GABRG2: variants seen among roughly 807,000 people sequenced by gnomAD.
The protein encoded by GABRG2 is gamma-aminobutyric acid receptor subunit gamma-2.
Under a neutral mutation model 56.4 loss-of-function variants are expected in GABRG2, and 16 were observed. That is an observed-to-expected ratio of 0.28 (90% CI 0.19 to 0.43). GABRG2 has a LOEUF of 0.43. Among genes scored for constraint, GABRG2 ranks in the 20% least tolerant of loss-of-function variants. The pLI is 1.00. For synonymous variants in GABRG2, 208 were observed against 205.5 expected (o/e 1.01, Z -0.10); for missense variants, 327 against 582.7 (o/e 0.56, Z 4.52).
intron 1 of GABRG2, among the ~76,000 whole-genome samples, chr5:162,070,202 A>G (rs1429650936): frequency 6.6e-6 from 1 of 152,150 alleles, no homozygotes; most frequent in Non-Finnish European, 1.5e-5. Context: ...GTTTTTTAAA[A>G]GAGCTCTATA....
At chr5:162,078,939 A>ATGTC (rs1373521469) in intron 1 of GABRG2, among the ~76,000 whole-genome samples, 7 of 151,148 alleles carry the variant, frequency 4.6e-5, no homozygotes, top group African/African-American at 1.5e-4. Flanking sequence ...GTCACATTGC[A>ATGTC]TGTCACTTCA....
intron 7 of GABRG2, among the ~76,000 whole-genome samples, chr5:162,146,949 T>C (rs1458296666): frequency 6.6e-6 from 1 of 152,232 alleles, no homozygotes; most frequent in Non-Finnish European, 1.5e-5. Flanking sequence ...GAAATGTAGC[T>C]GAACTCTTCA....
At chr5:162,145,838 A>G (rs1764913667) in intron 7 of GABRG2, among the ~76,000 whole-genome samples, 2 of 152,186 alleles carry the variant, frequency 1.3e-5, no homozygotes, top group Non-Finnish European at 2.9e-5. Flanking sequence ...CACAGTGCCA[A>G]TTTAGTTTTT....
intron 6 of GABRG2, among the ~76,000 whole-genome samples, chr5:162,133,883 G>A (rs1320742027): frequency 6.6e-6 from 1 of 152,122 alleles, no homozygotes; most frequent in Non-Finnish European, 1.5e-5. Flanking sequence ...TATCCGCCAA[G>A]AGAAAATGTC....
At chr5:162,082,029 T>A (rs184906932) in intron 1 of GABRG2, among the ~76,000 whole-genome samples, 1 of 151,932 alleles carries the variant, frequency 6.6e-6, no homozygotes, top group Non-Finnish European at 1.5e-5. Flanking sequence ...CATTCAGTTT[T>A]CTAGACAAAA....
chr5:162,103,944 G>T lies in GABRG2; in HGVS notation c.687G>T (p.Val229=). 1 of 1,613,956 alleles carries T rather than the reference G, an allele frequency of 6.2e-7. No individual in the cohort carries two copies. ...VYQWKRSSVE[V]GDTRSWRLYQ... is the part of the protein sequence containing the mutation. ...AATGGAAGCGAAGTTCTGTTGAAGT[G>T]GGCGACACAAGATCCTGGAGGCTTT... The change falls in exon 6 of 10, where the codon GTG becomes GTT. Residue 229 remains valine (V), a synonymous_variant. Transcript: ENST00000639213.
chr5:162,142,352 A>G lies in GABRG2; in HGVS notation c.922+36A>G, dbSNP rs1193583261. 7 of 1,608,252 alleles carry G rather than the reference A, an allele frequency of 4.4e-6. No individual in the cohort carries two copies. In the Middle Eastern group the frequency reaches 6.6e-4, roughly 152 times the overall value. On this transcript the variant is annotated intron_variant, in intron 7 of 9. Transcript: ENST00000639213. ...TTTGTTTATGTTGCAGTTTCTCAAG[A>G]TAAGTACCAAATACAAGTAATTTTT...
chr5:162,069,850 A>G (rs946003875), intron 1 of GABRG2, among the ~76,000 whole-genome samples: 5 of 152,154 alleles, frequency 3.3e-5, no homozygotes, highest in African/African-American at 7.2e-5. Context: ...CGGAAATTAG[A>G]AAACAGTTAC....
intron 6 of GABRG2, among the ~76,000 whole-genome samples, chr5:162,109,420 A>ATATATATATATTTATTTATTTATT (rs1424412323): frequency 4.3e-5 from 5 of 116,126 alleles, no homozygotes; most frequent in African/African-American, 1.3e-4. Flanking sequence ...ATATATATAT[A>ATATATATATATTTATTTATTTATT]TATTTATTTA....
chr5:162,141,392 A>C (rs920640497), intron 6 of GABRG2, among the ~76,000 whole-genome samples: 1 of 152,176 alleles, frequency 6.6e-6, no homozygotes, highest in African/African-American at 2.4e-5. Context: ...TTTTTAGAGA[A>C]TTTTATGTGT....
intron 9 of GABRG2, chr5:162,151,968 A>G (rs1489498877): frequency 2.2e-6 from 1 of 461,776 alleles, no homozygotes; most frequent in Non-Finnish European, 3.8e-6. Flanking sequence ...AAAAGCTATA[A>G]TCCCTGTGAG....
At chr5:162,082,918 T>C (rs1318163927) in intron 1 of GABRG2, among the ~76,000 whole-genome samples, 2 of 151,670 alleles carry the variant, frequency 1.3e-5, no homozygotes, top group Non-Finnish European at 3.0e-5. Flanking sequence ...AGTAGTAGTC[T>C]TCTAGAATTG....
rs67276484 is a variant in GABRG2, at chr5:162,105,814, TAC to T, written c.769+1817_769+1818del. On this transcript the variant is annotated intron_variant, in intron 6 of 9. Transcript: ENST00000639213. ...TCTTCCATTGGCGAAAGAAAACACA[TAC>T]ACACACACACACACACACACACACA... 8.3e-4 allele frequency among the ~76,000 whole-genome samples: 123 copies of T among 147,552 alleles called. 1 individual carries two copies. The highest frequency in any genetic ancestry group is 2.1e-3 in the African/African-American group (86 of 40,122).
chr5:162,140,747 A>T (rs1764499167), intron 6 of GABRG2, among the ~76,000 whole-genome samples: 1 of 152,232 alleles, frequency 6.6e-6, no homozygotes, highest in South Asian at 2.1e-4. Context: ...TTTGAAACTG[A>T]TATTCTCTAA....
At chr5:162,089,808 A>G in intron 1 of GABRG2, among the ~76,000 whole-genome samples, 1 of 152,128 alleles carries the variant, frequency 6.6e-6, no homozygotes, top group Non-Finnish European at 1.5e-5. Flanking sequence ...CTGTTCTACT[A>G]TCCTGGGCAA....
Position 162,097,835 on chromosome 5 carries a change from T to C in GABRG2, c.525T>C (p.Asp175=), listed in dbSNP as rs770485021. The C allele has an allele frequency of 2.5e-6, 4 of 1,613,266 alleles. No homozygotes were observed. The South Asian group carries it at 3.3e-5, about 13-fold the overall frequency. ...TPNRMLRIWN[D]GRVLYTLRLT... ...ACAGGATGCTGAGAATTTGGAATGA[T>C]GGTCGAGTGCTCTACACCCTAAGGT... Residue 175 remains aspartate (D), a synonymous_variant, in exon 4 of 10, where the codon GAT becomes GAC. Transcript: ENST00000639213.
intron 6 of GABRG2, among the ~76,000 whole-genome samples, chr5:162,132,308 A>G (rs921667116): frequency 6.6e-6 from 1 of 152,020 alleles, no homozygotes. Flanking sequence ...GAGTAGATGG[A>G]AAAAGTTGTT....
At chr5:162,107,883 G>C (rs1401815041) in intron 6 of GABRG2, among the ~76,000 whole-genome samples, 1 of 152,064 alleles carries the variant, frequency 6.6e-6, no homozygotes, top group Non-Finnish European at 1.5e-5. Flanking sequence ...CACTGTCCTA[G>C]TTCATGATTT....
chr5:162,096,782 G>C (rs979521747), intron 3 of GABRG2, among the ~76,000 whole-genome samples: 16 of 151,906 alleles, frequency 1.1e-4, no homozygotes, highest in Non-Finnish European at 1.8e-4. Flanking sequence ...CTCCAGTTTA[G>C]TGATATGTAT....
Sources: gnomAD v4.1 joint callset for allele counts (sites outside exome capture counted in the v4.1 genomes callset) on GRCh38, gnomAD v4.1.1 for gene constraint, MANE v1.5 for transcripts, NCBI Gene and HGNC (gene_info 2026-07-23, HGNC 2026-07-21) for gene names.